Variants in CUBN observed in about 807,000 individuals in gnomAD.
CUBN encodes cubilin.
CUBN carries 282 observed loss-of-function variants against 405.3 expected under a neutral mutation model. The observed-to-expected ratio is 0.70, with a 90% CI of 0.63 to 0.77. CUBN has a LOEUF of 0.77. CUBN is among the 30% of genes least tolerant of loss of function. The pLI, the probability that CUBN is intolerant of heterozygous loss-of-function variation, is 0.00. For missense variants in CUBN, 4,514 were observed against 4,475.2 expected, an observed-to-expected ratio of 1.01 and a Z score of -0.25; for synonymous variants, 1,684 against 1,617.0, an observed-to-expected ratio of 1.04 and a Z score of -0.99.
intron 22 of CUBN, among the ~76,000 whole-genome samples, chr10:17,065,137 C>CT (rs1225156734): frequency 7.1e-6 from 1 of 141,806 alleles, no homozygotes; most frequent in East Asian, 2.0e-4. Context: ...TCTCCCCCCC[C>CT]CCCCACACAC....
intron 54 of CUBN, among the ~76,000 whole-genome samples, chr10:16,893,135 C>T (rs1052702221): frequency 2.0e-5 from 3 of 152,120 alleles, no homozygotes; most frequent in Admixed American, 1.3e-4. Context: ...CAAAAACTTT[C>T]TGATTTTTCT....
At position 17,123,633 on chromosome 10, in the gene CUBN, G is replaced by T. The variant is rs1477935974; in HGVS notation, c.444C>A (p.Leu148=). The T allele has an allele frequency of 1.2e-6, 2 of 1,613,984 alleles. No homozygotes were observed. The highest frequency in any genetic ancestry group is 1.7e-6 in the Non-Finnish European group (2 of 1,180,018). ...TACAAAAAAAGGAATCATGCAGATT[G>T]AGGCAGGTTCCACCATTCTGGCAAG... is the stretch of plus-strand genomic sequence containing the variant. ...SNPCQNGGTC[L]NLHDSFFCIC... Residue 148 remains leucine (L), a synonymous_variant, in exon 5 of 67, where the codon CTC becomes CTA. Coordinates refer to ENST00000377833, the MANE Select transcript of CUBN (RefSeq NM_001081.4).
At chr10:16,884,646 G>T (rs535145207) in intron 56 of CUBN, among the ~76,000 whole-genome samples, 1 of 152,318 alleles carries the variant, frequency 6.6e-6, no homozygotes, top group South Asian at 2.1e-4. Context: ...TAAGCGGAAA[G>T]TAGGTCACTG....
At position 17,047,269 on chromosome 10, in the gene CUBN, T is replaced by C. The variant is rs1204055951; in HGVS notation, c.3329+145A>G. Reference sequence around the variant, plus strand: ...TATTTCTCCTAAGTCAGGCTCCAAATGACAAACTTTATTTCTTGCAAGAAA... The same window carrying C: ...TATTTCTCCTAAGTCAGGCTCCAAACGACAAACTTTATTTCTTGCAAGAAA... On this transcript the variant is annotated intron_variant, in intron 23 of 66. Transcript: ENST00000377833. The C allele has an allele frequency of 1.1e-5, 7 of 630,626 alleles. No individual in the cohort carries two copies. In the Admixed American group the frequency reaches 1.8e-4, roughly 16 times the overall value. The allele number at this position is 630,626 out of a possible 1,614,324, so 39.1% of individuals were successfully genotyped here.
At position 16,851,360 on chromosome 10, in the gene CUBN, C is replaced by T. The variant is rs1172378654; in HGVS notation, c.9538G>A (p.Asp3180Asn). The T allele has an allele frequency of 6.2e-7, 1 of 1,614,154 alleles. No homozygotes were observed. Among genetic ancestry groups the T allele is most frequent in the Admixed American group, 1.7e-5 (1 of 60,018 alleles). The stretch of plus-strand genomic sequence containing the variant: ...ATCCATACACAGTTTAAATTCTTGT[C>T]ATACATTCCATTCGAATCAGAATCA... ...SPDSDSNGMY[D>N]KNLNCVWIII... The change falls in exon 60 of 67, where the codon GAC (aspartate) becomes AAC (asparagine). Residue 3180 changes from aspartate to asparagine, a missense_variant. Transcript: ENST00000377833.
chr10:17,088,387 C>T (rs758199163), intron 14 of CUBN, 42 bp from the exon 15 acceptor site: 40 of 1,521,720 alleles, frequency 2.6e-5, no homozygotes, highest in Middle Eastern at 1.7e-4. Flanking sequence ...TGTATAGATG[C>T]TATAATTTAT....
intron 24 of CUBN, 63 bp downstream of exon 24, chr10:17,045,871 T>C (rs1835120476): frequency 1.3e-6 from 2 of 1,538,426 alleles, no homozygotes; most frequent in Middle Eastern, 1.7e-4. Context: ...AGCATGACAA[T>C]CCCAGAATCA....
intron 29 of CUBN, 110 bp downstream of exon 29, chr10:16,990,224 T>G: frequency 9.6e-7 from 1 of 1,037,954 alleles, no homozygotes; most frequent in Non-Finnish European, 1.5e-6. Flanking sequence ...TTAAAATGTC[T>G]AAGAATAGAA....
intron 27 of CUBN, chr10:17,023,485 C>A: frequency 2.6e-6 from 1 of 385,088 alleles, no homozygotes; most frequent in South Asian, 1.9e-5. Context: ...ACAATTCATT[C>A]CCGCGCAAAT....
intron 50 of CUBN, 67 bp from the exon 51 acceptor site, chr10:16,904,182 G>T: frequency 6.9e-7 from 1 of 1,455,170 alleles, no homozygotes; most frequent in Non-Finnish European, 9.7e-7. Context: ...CAATGAATTT[G>T]ATAAAAACAA....
At chr10:17,058,999 T>C (rs542725609) in intron 22 of CUBN, among the ~76,000 whole-genome samples, 1 of 151,878 alleles carries the variant, frequency 6.6e-6, no homozygotes, top group South Asian at 2.1e-4. Context: ...AAATGAAAAA[T>C]GAAAGTACAT....
chr10:16,941,289 C>T (rs1263766498), intron 36 of CUBN, among the ~76,000 whole-genome samples: 5 of 151,930 alleles, frequency 3.3e-5, no homozygotes, highest in Non-Finnish European at 7.4e-5. Context: ...GATGCAATAA[C>T]GGATATCCTT....
intron 28 of CUBN, among the ~76,000 whole-genome samples, chr10:16,992,838 C>T (rs1332208127): frequency 1.3e-5 from 2 of 152,160 alleles, no homozygotes; most frequent in Non-Finnish European, 2.9e-5. Flanking sequence ...ATTAGATGTG[C>T]TGACATTGTT....
intron 64 of CUBN, among the ~76,000 whole-genome samples, chr10:16,833,962 C>G (rs1259109558): frequency 6.6e-6 from 1 of 152,168 alleles, no homozygotes; most frequent in African/African-American, 2.4e-5. Context: ...ACTGAAGACT[C>G]TTGTGTGGTA....
intron 1 of CUBN, among the ~76,000 whole-genome samples, 159 bp downstream of exon 1, chr10:17,129,485 G>A (rs994915009): frequency 2.0e-5 from 3 of 152,154 alleles, no homozygotes; most frequent in Admixed American, 6.5e-5. Context: ...TTGTGCATAG[G>A]AAAGTAATTT....
intron 56 of CUBN, among the ~76,000 whole-genome samples, chr10:16,884,047 T>C (rs1840738395): frequency 6.6e-6 from 1 of 152,242 alleles, no homozygotes; most frequent in Admixed American, 6.5e-5. Flanking sequence ...TAGCGCAATC[T>C]TGGCTCACTG....
At chr10:17,089,199 T>C (rs1412785897) in intron 14 of CUBN, among the ~76,000 whole-genome samples, 2 of 152,170 alleles carry the variant, frequency 1.3e-5, no homozygotes, top group Non-Finnish European at 2.9e-5. Flanking sequence ...CAAATAAAAA[T>C]TTTCCTGCCA....
intron 28 of CUBN, among the ~76,000 whole-genome samples, chr10:17,016,544 T>C (rs1023350568): frequency 6.6e-6 from 1 of 152,180 alleles, no homozygotes. Flanking sequence ...CTGTAGGACA[T>C]CTATGTACCT....
At chr10:16,962,323 G>T (rs1843249616) in intron 31 of CUBN, among the ~76,000 whole-genome samples, 1 of 152,080 alleles carries the variant, frequency 6.6e-6, no homozygotes, top group South Asian at 2.1e-4. Flanking sequence ...AATGAAGTAG[G>T]GAATTAGAAA....
Sources: gnomAD v4.1 joint callset for allele counts (sites outside exome capture counted in the v4.1 genomes callset) on GRCh38, gnomAD v4.1.1 for gene constraint, MANE v1.5 for transcripts, NCBI Gene and HGNC (gene_info 2026-07-23, HGNC 2026-07-21) for gene names.